The following CUX1 variants were observed in gnomAD, a reference collection of about 807,000 sequenced individuals.
The protein encoded by CUX1 is cut like homeobox 1.
In CUX1, 31 loss-of-function variants were observed where a neutral mutation model predicts 158.8. That is an observed-to-expected ratio of 0.20 (90% CI 0.15 to 0.26). The LOEUF (loss-of-function observed/expected upper bound fraction) is 0.26, where lower values mean the gene tolerates loss of function less well. CUX1 is among the 10% of genes least tolerant of loss of function. CUX1 has a pLI of 1.00. For missense variants in CUX1, 1,589 were observed against 2,014.6 expected (o/e 0.79, Z 4.04); for synonymous variants, 879 against 862.1 (o/e 1.02, Z -0.34).
At chr7:102,180,004 A>G (rs1792851973) in intron 11 of CUX1, among the ~76,000 whole-genome samples, 3 of 152,138 alleles carry the variant, frequency 2.0e-5, no homozygotes, top group Admixed American at 1.3e-4. Context: ...ACTTAGGTCC[A>G]TTGTGTTTTG....
Position 102,254,863 on chromosome 7 carries a change from T to G in CUX1, c.*5821T>G. ...AGAGAATGGTCCAATTTGATGATCT[T>G]ATTTCTATTTCGATCAGGTTTTGAC... On this transcript the variant is annotated 3_prime_UTR_variant, in exon 24 of 24. Transcript: ENST00000292535. 1.0e-6 allele frequency: 1 copy of G among 985,428 alleles called. No individual in the cohort carries two copies. The highest frequency in any genetic ancestry group is 1.2e-6 in the Non-Finnish European group (1 of 829,940). The allele number at this position is 985,428 out of a possible 1,614,324, so 61.0% of individuals were successfully genotyped here. A position where few individuals can be genotyped will look rare whatever the true frequency, so the allele number is the denominator to read the frequency against.
intron 4 of CUX1, among the ~76,000 whole-genome samples, chr7:102,083,277 T>C (rs1827636943): frequency 6.8e-6 from 1 of 147,286 alleles, no homozygotes; most frequent in Non-Finnish European, 1.5e-5. Flanking sequence ...TTTGCTTTCA[T>C]AGATTTTTAT....
chr7:102,193,721 C>T, intron 12 of CUX1, 121 bp from the exon 13 acceptor site: 1 of 970,052 alleles, frequency 1.0e-6, no homozygotes, highest in Non-Finnish European at 1.5e-6. Flanking sequence ...AGGAGAATCG[C>T]TTGAACCTGG....
chr7:102,051,256 G>A (rs148878791), intron 3 of CUX1, among the ~76,000 whole-genome samples: 4 of 151,734 alleles, frequency 2.6e-5, no homozygotes, highest in African/African-American at 7.3e-5. Context: ...CTCCCACCAC[G>A]AATAAAGATG....
intron 2 of CUX1, among the ~76,000 whole-genome samples, chr7:101,975,382 C>CA (rs1297365588): frequency 1.3e-5 from 2 of 151,612 alleles, no homozygotes; most frequent in African/African-American, 4.8e-5. Context: ...CTTATCTCTA[C>CA]AAAAAATGAA....
chr7:102,181,645 T>C (rs1554514021), intron 11 of CUX1, among the ~76,000 whole-genome samples: 1 of 152,236 alleles, frequency 6.6e-6, no homozygotes, highest in Non-Finnish European at 1.5e-5. Flanking sequence ...ATTGCTACCT[T>C]ATCTTCATCT....
At chr7:102,113,588 C>A (rs528924284) in intron 7 of CUX1, among the ~76,000 whole-genome samples, 1 of 152,228 alleles carries the variant, frequency 6.6e-6, no homozygotes, top group Non-Finnish European at 1.5e-5. Flanking sequence ...GACATGGTCT[C>A]TCTCTGTCGC....
intron 1 of CUX1, among the ~76,000 whole-genome samples, chr7:101,911,196 T>C (rs1803392662): frequency 6.6e-6 from 1 of 152,240 alleles, no homozygotes. Flanking sequence ...TTGGCCTTGG[T>C]CTCAGCCCTG....
intron 2 of CUX1, among the ~76,000 whole-genome samples, chr7:102,009,582 T>TG (rs1817763961): frequency 6.6e-6 from 1 of 152,236 alleles, no homozygotes; most frequent in African/African-American, 2.4e-5. Flanking sequence ...CATGAACCAC[T>TG]GCACCCAACC....
At chr7:102,236,425 T>G (rs1203855979) in intron 22 of CUX1, among the ~76,000 whole-genome samples, 1 of 152,222 alleles carries the variant, frequency 6.6e-6, no homozygotes, top group Non-Finnish European at 1.5e-5. Flanking sequence ...CTAAAAGTTT[T>G]CAACTTATTT....
Position 101,999,557 on chromosome 7 carries a change from C to A in CUX1, c.142-28541C>A, listed in dbSNP as rs74739396. ...TCTAGAAAGCAGGATTGCCACCACTCCTCGAAGCACCCCACGATTAGAGTG... is the reference window on the plus strand; with the variant it reads ...TCTAGAAAGCAGGATTGCCACCACTACTCGAAGCACCCCACGATTAGAGTG... On this transcript the variant is annotated intron_variant, in intron 2 of 23. Transcript: ENST00000292535. Among the ~76,000 whole-genome samples the A allele has an allele frequency of 8.5e-3, 1,296 of 152,284 alleles. 7 individuals are homozygous for A. Among genetic ancestry groups the A allele is most frequent in the Non-Finnish European group, 0.014 (979 of 68,026 alleles).
At chr7:102,208,304 C>T (rs189300457) in intron 20 of CUX1, among the ~76,000 whole-genome samples, 4 of 152,254 alleles carry the variant, frequency 2.6e-5, no homozygotes, top group Non-Finnish European at 5.9e-5. Flanking sequence ...AGTGCAGTGG[C>T]ACAATCTCAG....
intron 2 of CUX1, among the ~76,000 whole-genome samples, chr7:101,943,078 C>CTTTTT (rs58332486): frequency 3.7e-5 from 3 of 80,322 alleles, no homozygotes; most frequent in Admixed American, 1.5e-4. Context: ...CTGGTCAGTG[C>CTTTTT]TTTTTTTTTT....
intron 18 of CUX1, among the ~76,000 whole-genome samples, chr7:102,203,784 C>T (rs1291739305): frequency 6.6e-6 from 1 of 152,076 alleles, no homozygotes; most frequent in African/African-American, 2.4e-5. Flanking sequence ...TCAGAAAACT[C>T]GGGTGTGTAC....
intron 1 of CUX1, among the ~76,000 whole-genome samples, chr7:101,824,028 G>A (rs1419412151): frequency 6.6e-6 from 1 of 152,124 alleles, no homozygotes; most frequent in African/African-American, 2.4e-5. Flanking sequence ...CTAATGAATT[G>A]CCATGATTTT....
chr7:102,117,135 C>T (rs190789262), intron 8 of CUX1, among the ~76,000 whole-genome samples: 12 of 152,210 alleles, frequency 7.9e-5, no homozygotes, highest in Non-Finnish European at 1.0e-4. Flanking sequence ...CAGTGACTCA[C>T]GCCTGTAATC....
At chr7:101,816,407 G>A (rs1584618184), upstream of CUX1, among the ~76,000 whole-genome samples, 1 of 142,018 alleles carries the variant, frequency 7.0e-6, no homozygotes, top group East Asian at 2.1e-4. Context: ...CGGGCCCCGC[G>A]CCGCCGCCGC....
chr7:101,964,149 C>G (rs1031857615), intron 2 of CUX1, among the ~76,000 whole-genome samples: 1 of 151,950 alleles, frequency 6.6e-6, no homozygotes, highest in Non-Finnish European at 1.5e-5. Flanking sequence ...GTTAGGAGTT[C>G]GAGACCAGCC....
intron 1 of CUX1, among the ~76,000 whole-genome samples, chr7:101,841,260 T>C (rs1462211810): frequency 2.0e-5 from 3 of 152,182 alleles, no homozygotes; most frequent in Non-Finnish European, 4.4e-5. Context: ...TTTATCTTGG[T>C]TTTAAAACTT....
Sources: gnomAD v4.1 joint callset for allele counts (sites outside exome capture counted in the v4.1 genomes callset) on GRCh38, gnomAD v4.1.1 for gene constraint, MANE v1.5 for transcripts, NCBI Gene and HGNC (gene_info 2026-07-23, HGNC 2026-07-21) for gene names.